The following RPS27 variants were observed in gnomAD, a reference collection of about 807,000 sequenced individuals.
RPS27 encodes ribosomal protein S27, also known as small ribosomal subunit protein eS27.
RPS27 carries 1 observed loss-of-function variant against 11.8 expected under a neutral mutation model. That is an observed-to-expected ratio of 0.08 (90% CI 0.03 to 0.40). The LOEUF (loss-of-function observed/expected upper bound fraction) is 0.40. Among genes scored for constraint, RPS27 ranks in the 10% least tolerant of loss-of-function variants. RPS27 has a pLI of 0.98. For missense variants in RPS27, 44 were observed against 100.1 expected, an observed-to-expected ratio of 0.44 and a Z score of 2.39; for synonymous variants, 42 against 33.8, an observed-to-expected ratio of 1.24 and a Z score of -0.84.
chr1:153,991,440 C>A, intron 2 of RPS27, 126 bp from the exon 3 acceptor site: 2 of 1,357,966 alleles, frequency 1.5e-6, no homozygotes, highest in Non-Finnish European at 2.0e-6. Context: ...GATCTCTCAT[C>A]ACATTTCACA....
At chr1:153,991,776 T>A in intron 3 of RPS27, 100 bp downstream of exon 3, 2 of 777,522 alleles carry the variant, frequency 2.6e-6, no homozygotes, top group East Asian at 2.6e-5. Flanking sequence ...AGGGATCATC[T>A]ATAATGTAAA....
chr1:153,991,453 C>A (rs1318530644), intron 2 of RPS27, 113 bp from the exon 3 acceptor site: 4 of 1,358,986 alleles, frequency 2.9e-6, no homozygotes, highest in East Asian at 2.4e-5. Flanking sequence ...ATTTCACATA[C>A]AACCCCTACG....
intron 2 of RPS27, 40 bp downstream of exon 2, chr1:153,991,263 C>G: frequency 6.4e-7 from 1 of 1,569,854 alleles, no homozygotes; most frequent in Non-Finnish European, 8.7e-7. Flanking sequence ...AGCACTGGAC[C>G]TCAACAGTTG....
intron 2 of RPS27, 73 bp from the exon 3 acceptor site, chr1:153,991,493 A>G: frequency 7.3e-7 from 1 of 1,366,478 alleles, no homozygotes; most frequent in Non-Finnish European, 1.0e-6. Context: ...AATGTAATGG[A>G]TGATGAGTTG....
intron 2 of RPS27, 150 bp downstream of exon 2, chr1:153,991,373 T>G: frequency 6.6e-7 from 1 of 1,507,376 alleles, no homozygotes; most frequent in East Asian, 2.5e-5. Context: ...TCTTAAAATT[T>G]GAATGTATGA....
Position 153,990,895 on chromosome 1 carries a change from T to A in RPS27, c.6+93T>A, listed in dbSNP as rs140325331. 62 of 1,518,898 alleles carry A rather than the reference T, an allele frequency of 4.1e-5. No homozygotes were observed. In the African/African-American group the frequency reaches 8.5e-4, roughly 21 times the overall value. 94.1% of individuals were successfully genotyped at this position (1,518,898 alleles called of 1,614,324 possible). A position where few individuals can be genotyped will look rare whatever the true frequency, so the allele number is the denominator to read the frequency against. ...TTTCGGATCGTAGAGGGTCCTCATT[T>A]ACCCTCTGCACTTCTTAGGACATTA... On this transcript the variant is annotated intron_variant, in intron 1 of 3. Transcript: ENST00000651669.
chr1:153,991,751 G>A (rs1649422205), intron 3 of RPS27, 75 bp downstream of exon 3: 3 of 981,420 alleles, frequency 3.1e-6, no homozygotes, highest in Admixed American at 2.2e-5. Flanking sequence ...AGGATTTTTC[G>A]GTCTTAACAG....
In RPS27 at chr1:153,990,832, G is replaced by T; in HGVS notation, c.6+30G>T. 1.9e-6 allele frequency: 3 copies of T among 1,614,194 alleles called. No individual in the cohort carries two copies. In the South Asian group the frequency reaches 3.3e-5, roughly 18 times the overall value. ...GTGCTTTGGTCCAGGTTTCGGCGGA[G>T]ATCTCGCTGTTCTGTCCGAACTCTC... On this transcript the variant is annotated intron_variant, in intron 1 of 3. Transcript: ENST00000651669.
In RPS27 at chr1:153,991,547, T is replaced by C. The variant is rs1429310464; in HGVS notation, c.116-19T>C. On this transcript the variant is annotated intron_variant, in intron 2 of 3. Transcript: ENST00000651669. ...ACGGGTGTAATAGAGGAAAAAAATG[T>C]TATCTGCTTTTCTTTCAGGATGCTA... 2 of 1,585,850 alleles carry C rather than the reference T, an allele frequency of 1.3e-6. No homozygotes were observed. The highest frequency in any genetic ancestry group is 2.2e-5 in the South Asian group (2 of 90,366).
At chr1:153,991,710 A>T (rs750655128) in intron 3 of RPS27, 34 bp downstream of exon 3, 2 of 1,361,828 alleles carry the variant, frequency 1.5e-6, no homozygotes, top group South Asian at 2.4e-5. Context: ...TGGGGCTTTG[A>T]GTTTGATTTT....
chr1:153,991,411 G>C (rs927958471), intron 2 of RPS27, 155 bp from the exon 3 acceptor site: 1 of 1,440,100 alleles, frequency 6.9e-7, no homozygotes, highest in Non-Finnish European at 9.4e-7. Flanking sequence ...ATCTTAGGAG[G>C]AGTGATTCAT....
rs368869334 is a variant in RPS27 at position 153,991,233 on chromosome 1, C to T, written c.115+10C>T. Reference sequence around the variant, plus strand: ...GATGTGAAATGCCCAGGTGAGGAGACGGCTTGCTGTAGTGGGGAAAGCACT... The same window carrying T: ...GATGTGAAATGCCCAGGTGAGGAGATGGCTTGCTGTAGTGGGGAAAGCACT... On this transcript the variant is annotated intron_variant, in intron 2 of 3. Transcript: ENST00000651669. 19 of 1,589,558 alleles carry T rather than the reference C, an allele frequency of 1.2e-5. No individual in the cohort carries two copies. The African/African-American group carries it at 2.3e-4, about 19-fold the overall frequency.
In RPS27 at chr1:153,991,832, A is replaced by G. The variant is rs557887486; in HGVS notation, c.226+156A>G. 4 of 667,210 alleles carry G rather than the reference A, an allele frequency of 6.0e-6. 1 individual carries two copies. In the Admixed American group the frequency reaches 8.6e-5, roughly 14 times the overall value. The allele number at this position is 667,210 out of a possible 1,614,324, so 41.3% of individuals were successfully genotyped here. A position where few individuals can be genotyped will look rare whatever the true frequency, so the allele number is the denominator to read the frequency against. ...GATTTGGTTGTTTTAACTAGATACTACCAAAAGCTATGTATTAATCTCAAA... is the reference window on the plus strand; with the variant it reads ...GATTTGGTTGTTTTAACTAGATACTGCCAAAAGCTATGTATTAATCTCAAA... On this transcript the variant is annotated intron_variant, in intron 3 of 3. Coordinates refer to ENST00000651669, the MANE Select transcript of RPS27 (RefSeq NM_001030.6).
chr1:153,991,423 T>G, intron 2 of RPS27, 143 bp from the exon 3 acceptor site: 1 of 1,396,374 alleles, frequency 7.2e-7, no homozygotes, highest in South Asian at 1.3e-5. Context: ...GTGATTCATT[T>G]CACCGTGATC....
intron 3 of RPS27, 75 bp from the exon 4 acceptor site, chr1:153,991,990 G>T: frequency 7.7e-7 from 1 of 1,299,866 alleles, no homozygotes; most frequent in Admixed American, 1.7e-5. Flanking sequence ...GGATCATCAT[G>T]CATCTGCTTT....
intron 2 of RPS27, 108 bp from the exon 3 acceptor site, chr1:153,991,458 C>T (rs1433390951): frequency 1.5e-6 from 2 of 1,361,010 alleles, no homozygotes; most frequent in African/African-American, 1.4e-5. Context: ...ACATACAACC[C>T]CTACGTTTTT....
At chr1:153,991,772 C>A in intron 3 of RPS27, 96 bp downstream of exon 3, 1 of 794,564 alleles carries the variant, frequency 1.3e-6, no homozygotes, top group South Asian at 1.6e-5. Context: ...TGACAGGGAT[C>A]ATCTATAATG....
In RPS27 at chr1:153,992,055, T is replaced by C; in HGVS notation, c.227-10T>C. On this transcript the variant is annotated splice_polypyrimidine_tract_variant and intron_variant, in intron 3 of 3. Coordinates refer to ENST00000651669, the MANE Select transcript of RPS27 (RefSeq NM_001030.6). The stretch of plus-strand genomic sequence containing the variant: ...TGATGACAGCTAATCTCTGAATCTT[T>C]TTCCTCCAGGATGTTCCTTCAGGAG... 1.2e-6 allele frequency: 2 copies of C among 1,613,414 alleles called. No individual in the cohort carries two copies. The highest frequency in any genetic ancestry group is 1.7e-6 in the Non-Finnish European group (2 of 1,179,544).
chr1:153,991,442 C>A, intron 2 of RPS27, 124 bp from the exon 3 acceptor site: 2 of 1,365,274 alleles, frequency 1.5e-6, no homozygotes, highest in Admixed American at 2.2e-5. Context: ...TCTCTCATCA[C>A]ATTTCACATA....
Sources: gnomAD v4.1 joint callset for allele counts on GRCh38, gnomAD v4.1.1 for gene constraint, MANE v1.5 for transcripts, NCBI Gene and HGNC (gene_info 2026-07-23, HGNC 2026-07-21) for gene names.